IQGAP2: variants seen among roughly 807,000 people sequenced by gnomAD.
The protein encoded by IQGAP2 is ras GTPase-activating-like protein IQGAP2.
IQGAP2 carries 173 observed loss-of-function variants against 201.3 expected under a neutral mutation model. The observed-to-expected ratio is 0.86, with a 90% CI of 0.76 to 0.98. IQGAP2 has a LOEUF of 0.98. IQGAP2 is among the 50% of genes least tolerant of loss of function. The pLI, the probability that IQGAP2 is intolerant of heterozygous loss-of-function variation, is 0.00. For missense variants in IQGAP2, 1,687 were observed against 1,864.8 expected (o/e 0.90, Z 1.76); for synonymous variants, 675 against 673.9 (o/e 1.00, Z -0.03).
At chr5:76,561,337 T>C (rs1744350220) in intron 2 of IQGAP2, among the ~76,000 whole-genome samples, 1 of 152,216 alleles carries the variant, frequency 6.6e-6, no homozygotes, top group Non-Finnish European at 1.5e-5. Context: ...TGTTCAGAGC[T>C]ACAAGCAGTT....
In IQGAP2 at chr5:76,683,802, C is replaced by G; in HGVS notation, c.3790C>G (p.Pro1264Ala). The change falls in exon 30 of 36, where the codon CCT becomes GCT. Residue 1264 changes from proline (P) to alanine (A), a missense_variant. Coordinates refer to ENST00000274364, the MANE Select transcript of IQGAP2 (RefSeq NM_006633.5). ...LGEGAVDPND[P>A]NKANTLSQLS... ...GGAAGGAGCAGTTGACCCCAATGAC[C>G]CTAACAAGGCAAATACACTAAGTCA... is the stretch of plus-strand genomic sequence containing the variant. The G allele has an allele frequency of 6.2e-7, 1 of 1,612,478 alleles. No homozygotes were observed.
At chr5:76,518,838 T>C (rs1561433611) in intron 2 of IQGAP2, among the ~76,000 whole-genome samples, 2 of 152,140 alleles carry the variant, frequency 1.3e-5, no homozygotes, top group Non-Finnish European at 2.9e-5. Flanking sequence ...ATATAGTTAA[T>C]AAAAAATGGC....
intron 1 of IQGAP2, among the ~76,000 whole-genome samples, chr5:76,442,327 G>A (rs1376167679): frequency 1.3e-5 from 2 of 152,084 alleles, no homozygotes; most frequent in Non-Finnish European, 2.9e-5. Flanking sequence ...ACTTCTAATA[G>A]TCTGATCTCA....
At chr5:76,524,182 T>C (rs569591679) in intron 2 of IQGAP2, among the ~76,000 whole-genome samples, 1 of 152,338 alleles carries the variant, frequency 6.6e-6, no homozygotes, top group South Asian at 2.1e-4. Context: ...AGCTTTGGTC[T>C]TAATAATGCA....
At chr5:76,455,706 G>A (rs1337349894) in intron 1 of IQGAP2, among the ~76,000 whole-genome samples, 1 of 152,094 alleles carries the variant, frequency 6.6e-6, no homozygotes, top group Non-Finnish European at 1.5e-5. Flanking sequence ...CCAGGCCCTA[G>A]TGACCTCACT....
At chr5:76,544,168 G>T (rs768585712) in intron 2 of IQGAP2, among the ~76,000 whole-genome samples, 15 of 152,126 alleles carry the variant, frequency 9.9e-5, no homozygotes, top group Non-Finnish European at 1.6e-4. Flanking sequence ...CACCCCAAAT[G>T]TCTGCTGCTC....
chr5:76,652,424 G>A (rs1470170526), intron 17 of IQGAP2, among the ~76,000 whole-genome samples: 1 of 141,316 alleles, frequency 7.1e-6, no homozygotes, highest in Non-Finnish European at 1.6e-5. Context: ...TACTGTTTAT[G>A]GGTTTTGGAG....
intron 17 of IQGAP2, among the ~76,000 whole-genome samples, chr5:76,643,678 C>G (rs1333465419): frequency 6.6e-6 from 1 of 152,062 alleles, no homozygotes; most frequent in Non-Finnish European, 1.5e-5. Context: ...AGCTAGTATA[C>G]TACTTTTTAG....
At chr5:76,431,757 A>G (rs1752378968) in intron 1 of IQGAP2, among the ~76,000 whole-genome samples, 1 of 149,626 alleles carries the variant, frequency 6.7e-6, no homozygotes, top group African/African-American at 2.5e-5. Context: ...TGGGAGGCGG[A>G]GATTGCAGTG....
At chr5:76,469,464 G>A (rs11745552) in intron 2 of IQGAP2, among the ~76,000 whole-genome samples, 68,003 of 151,486 alleles carry the variant, frequency 0.45, 16,131 homozygotes, top group Non-Finnish European at 0.52. Flanking sequence ...GCAGTGGTGC[G>A]ATCTCGGCTC....
intron 35 of IQGAP2, among the ~76,000 whole-genome samples, chr5:76,703,167 G>C (rs1331367095): frequency 4.3e-5 from 6 of 139,366 alleles, no homozygotes; most frequent in Non-Finnish European, 6.3e-5. Flanking sequence ...GGGTGGGGGG[G>C]GGCATTGAGA....
chr5:76,625,000 A>C (rs1750092091), intron 13 of IQGAP2, among the ~76,000 whole-genome samples: 1 of 152,172 alleles, frequency 6.6e-6, no homozygotes. Context: ...CTTGACCCTG[A>C]GAGGCGGAGG....
chr5:76,628,163 C>A (rs10069799), intron 14 of IQGAP2, among the ~76,000 whole-genome samples: 26 of 152,328 alleles, frequency 1.7e-4, no homozygotes, highest in African/African-American at 5.3e-4. Flanking sequence ...CACCCCTCCC[C>A]CAAAGGGACC....
At chr5:76,647,994 C>G (rs1752202723) in intron 17 of IQGAP2, among the ~76,000 whole-genome samples, 1 of 152,152 alleles carries the variant, frequency 6.6e-6, no homozygotes, top group Non-Finnish European at 1.5e-5. Context: ...TGGCAGCCCT[C>G]CCTCTCCCTG....
At chr5:76,607,429 AC>A (rs1251820369) in intron 12 of IQGAP2, 2 of 152,320 alleles carry the variant, frequency 1.3e-5, no homozygotes, top group East Asian at 3.9e-4. Flanking sequence ...CCATGGATGT[AC>A]CACTGTTACA....
intron 33 of IQGAP2, chr5:76,699,390 C>T (rs918468464): frequency 1.1e-4 from 16 of 152,186 alleles, no homozygotes; most frequent in African/African-American, 3.6e-4. Context: ...AGGTTGATTT[C>T]ATAACTTAGC....
At chr5:76,590,855 A>G (rs915806466) in intron 8 of IQGAP2, among the ~76,000 whole-genome samples, 3 of 152,128 alleles carry the variant, frequency 2.0e-5, no homozygotes, top group African/African-American at 7.2e-5. Flanking sequence ...GGGAGGCTGC[A>G]GCGGGAGGGT....
intron 2 of IQGAP2, among the ~76,000 whole-genome samples, chr5:76,469,018 GCT>G (rs1461702363): frequency 2.0e-5 from 3 of 152,190 alleles, no homozygotes; most frequent in African/African-American, 7.2e-5. Flanking sequence ...GTTTGATTAT[GCT>G]CTGTTTTCTG....
At position 76,611,004 on chromosome 5, in the gene IQGAP2, C is replaced by A. The variant is rs771503860; in HGVS notation, c.1358-16C>A. On this transcript the variant is annotated splice_polypyrimidine_tract_variant and intron_variant, in intron 12 of 35. Transcript: ENST00000274364. ...GTACTGTGACTTAAAAGGAAAACTA[C>A]TTCTTCATTTTCTAGGAGTTGTAGC... The A allele has an allele frequency of 1.3e-6, 2 of 1,596,706 alleles. No homozygotes were observed. Among genetic ancestry groups the A allele is most frequent in the Non-Finnish European group, 1.7e-6 (2 of 1,172,984 alleles).
Sources: allele counts gnomAD v4.1 joint callset (sites outside exome capture counted in the v4.1 genomes callset), GRCh38; gene constraint gnomAD v4.1.1; transcripts MANE v1.5; gene names NCBI Gene and HGNC (gene_info 2026-07-23, HGNC 2026-07-21).